ERC2: variants seen among roughly 807,000 people sequenced by gnomAD.
The protein encoded by ERC2 is ERC protein 2.
In ERC2, 42 loss-of-function variants were observed where a neutral mutation model predicts 114.8. That is an observed-to-expected ratio of 0.37 (90% CI 0.29 to 0.47). ERC2 has a LOEUF of 0.47. ERC2 is among the 20% of genes least tolerant of loss of function. The probability of loss-of-function intolerance (pLI) is 0.99; values close to 1 mark genes in which losing one functional copy is unlikely to be tolerated. For synonymous variants in ERC2, 454 were observed against 425.5 expected (o/e 1.07, Z -0.82); for missense variants, 939 against 1,150.7 (o/e 0.82, Z 2.66).
intron 3 of ERC2, among the ~76,000 whole-genome samples, chr3:56,175,855 T>C (rs1297047054): frequency 6.6e-6 from 1 of 152,236 alleles, no homozygotes; most frequent in African/African-American, 2.4e-5. Flanking sequence ...TATTTAATTG[T>C]GAGTTTGTAC....
chr3:56,244,545 TTGA>T (rs2051549419), intron 3 of ERC2, among the ~76,000 whole-genome samples: 1 of 152,042 alleles, frequency 6.6e-6, no homozygotes, highest in Non-Finnish European at 1.5e-5. Flanking sequence ...AACAGTGATG[TTGA>T]TGATCCTGAT....
At chr3:55,625,642 T>G (rs1209730325) in intron 17 of ERC2, among the ~76,000 whole-genome samples, 4 of 151,942 alleles carry the variant, frequency 2.6e-5, no homozygotes, top group Non-Finnish European at 2.9e-5. Context: ...TCCCAGCTAC[T>G]CGGGAGGCTG....
chr3:55,603,598 A>C (rs1157698913), intron 17 of ERC2, among the ~76,000 whole-genome samples: 1 of 147,846 alleles, frequency 6.8e-6, no homozygotes, highest in Non-Finnish European at 1.5e-5. Flanking sequence ...GAGCTGAGAT[A>C]GTGCCACTGC....
chr3:56,196,229 G>A (rs987559737), intron 3 of ERC2, among the ~76,000 whole-genome samples: 10 of 152,182 alleles, frequency 6.6e-5, no homozygotes, highest in African/African-American at 1.2e-4. Context: ...AAGGCAACAC[G>A]ACAGAAGGTA....
intron 14 of ERC2, among the ~76,000 whole-genome samples, chr3:55,749,591 C>T (rs912271229): frequency 1.3e-5 from 2 of 152,128 alleles, no homozygotes; most frequent in South Asian, 4.1e-4. Flanking sequence ...CTCTATAAAA[C>T]GCACCAATCA....
chr3:55,639,747 T>C (rs1341315671), intron 17 of ERC2, among the ~76,000 whole-genome samples: 1 of 152,218 alleles, frequency 6.6e-6, no homozygotes, highest in East Asian at 1.9e-4. Flanking sequence ...CCTGAATGTG[T>C]GATACTTTGG....
rs2077195458 is a variant in ERC2, at chr3:56,080,855, C to G, written c.1603G>C (p.Glu535Gln). ...ACATTGATTTTTCTTTCCTTCACTT[C>G]TAACATATCTTTCATGTCACGAATT... ...GEIRDMKDML[E>Q]VKERKINVLQ... Residue 535 changes from glutamate (E) to glutamine (Q), a missense_variant, in exon 7 of 18, where the codon GAA becomes CAA. Glu to Gln is a conservative substitution (Grantham distance 29). This residue lies in a region of ERC2 where 149 missense variants were observed against 254.6 expected (regional missense o/e 0.59). Transcript: ENST00000288221. 3.1e-6 allele frequency: 5 copies of G among 1,613,624 alleles called. No individual in the cohort carries two copies. The highest frequency in any genetic ancestry group is 4.2e-6 in the Non-Finnish European group (5 of 1,179,738).
chr3:55,654,455 A>G (rs1225654044), intron 17 of ERC2, among the ~76,000 whole-genome samples: 2 of 152,244 alleles, frequency 1.3e-5, no homozygotes, highest in East Asian at 1.9e-4. Flanking sequence ...TGCTTTCCAT[A>G]TAGGCCAACA....
intron 14 of ERC2, among the ~76,000 whole-genome samples, chr3:55,861,783 C>A (rs1042384188): frequency 6.6e-6 from 1 of 152,214 alleles, no homozygotes; most frequent in Non-Finnish European, 1.5e-5. Flanking sequence ...AGCCCTCCCC[C>A]ACATTAGCTG....
intron 12 of ERC2, among the ~76,000 whole-genome samples, chr3:55,984,526 G>A (rs1190318967): frequency 3.3e-5 from 5 of 152,126 alleles, no homozygotes; most frequent in Admixed American, 6.5e-5. Flanking sequence ...CATTAAATGA[G>A]TGAATCAAAA....
intron 17 of ERC2, among the ~76,000 whole-genome samples, chr3:55,570,781 T>C (rs1383959863): frequency 1.3e-5 from 2 of 152,176 alleles, no homozygotes; most frequent in African/African-American, 4.8e-5. Flanking sequence ...TTTCCTTGCT[T>C]TTGACAGGCT....
intron 14 of ERC2, among the ~76,000 whole-genome samples, chr3:55,780,264 A>T (rs918152218): frequency 1.3e-5 from 2 of 152,218 alleles, no homozygotes; most frequent in African/African-American, 4.8e-5. Flanking sequence ...TGATATGATA[A>T]TCTATTCAGA....
chr3:56,221,901 CAA>C (rs561029187), intron 3 of ERC2, among the ~76,000 whole-genome samples: 1 of 140,910 alleles, frequency 7.1e-6, no homozygotes. Context: ...CGTCTCAAAA[CAA>C]AAAAAAAAAT....
chr3:56,354,286 C>T (rs2058662680), intron 2 of ERC2, among the ~76,000 whole-genome samples: 1 of 152,258 alleles, frequency 6.6e-6, no homozygotes, highest in African/African-American at 2.4e-5. Context: ...CCTCACAGCC[C>T]TTCCTACATG....
At chr3:55,691,544 CAAAAAAAAAAAAAAAAAA>C (rs748917550) in intron 16 of ERC2, among the ~76,000 whole-genome samples, 1 of 67,024 alleles carries the variant, frequency 1.5e-5, no homozygotes, top group Non-Finnish European at 2.6e-5. Context: ...ATTTGCAATG[CAAAAAAAAAAAAAAAAAA>C]AAAAAAAAAA....
At chr3:56,110,797 T>A (rs541780302) in intron 6 of ERC2, among the ~76,000 whole-genome samples, 1 of 152,316 alleles carries the variant, frequency 6.6e-6, no homozygotes, top group Non-Finnish European at 1.5e-5. Context: ...GCTTATTTGA[T>A]TCTACATATC....
At chr3:56,408,937 T>C (rs1576813917) in intron 2 of ERC2, among the ~76,000 whole-genome samples, 1 of 152,012 alleles carries the variant, frequency 6.6e-6, no homozygotes, top group Non-Finnish European at 1.5e-5. Context: ...GAGTTGGGAG[T>C]GGTCAAGACA....
At chr3:56,139,942 C>T (rs375573459) in intron 5 of ERC2, among the ~76,000 whole-genome samples, 4 of 152,244 alleles carry the variant, frequency 2.6e-5, no homozygotes, top group African/African-American at 9.6e-5. Flanking sequence ...CCAAATTTCA[C>T]AATGGAATGA....
At chr3:56,217,103 C>T (rs371875178) in intron 3 of ERC2, among the ~76,000 whole-genome samples, 5 of 152,234 alleles carry the variant, frequency 3.3e-5, no homozygotes, top group South Asian at 2.1e-4. Context: ...GCCCTCTCAC[C>T]ACTCCTATTC....
Sources: allele counts gnomAD v4.1 joint callset (sites outside exome capture counted in the v4.1 genomes callset), GRCh38; gene constraint gnomAD v4.1.1; regional missense constraint gnomAD v4.1.1; transcripts MANE v1.5; gene names NCBI Gene and HGNC (gene_info 2026-07-23, HGNC 2026-07-21).